Variants in SUGP2 observed in about 807,000 individuals in gnomAD.
SUGP2 encodes SURP and G-patch domain-containing protein 2.
SUGP2 carries 24 observed loss-of-function variants against 90.5 expected under a neutral mutation model. The ratio of observed to expected loss-of-function variants is 0.27; its 90% CI spans 0.19 to 0.37. The LOEUF is 0.37. SUGP2 is among the 10% of genes least tolerant of loss of function. The probability of loss-of-function intolerance (pLI) is 1.00; values close to 1 mark genes in which losing one functional copy is unlikely to be tolerated. For synonymous variants in SUGP2, 473 were observed against 513.4 expected, an observed-to-expected ratio of 0.92 and a Z score of 1.06; for missense variants, 1,233 against 1,363.3, an observed-to-expected ratio of 0.90 and a Z score of 1.51.
At chr19:19,012,028 T>G (rs2058330624) in intron 4 of SUGP2, among the ~76,000 whole-genome samples, 1 of 152,154 alleles carries the variant, frequency 6.6e-6, no homozygotes, top group African/African-American at 2.4e-5. Flanking sequence ...ACAAGCCAAC[T>G]AGAAGTAAGG....
At chr19:18,999,161 A>G (rs752796402) in intron 8 of SUGP2, among the ~76,000 whole-genome samples, 4 of 152,184 alleles carry the variant, frequency 2.6e-5, no homozygotes, top group Non-Finnish European at 5.9e-5. Flanking sequence ...ATCTGTGTTT[A>G]ACAATCATGA....
At position 19,005,270 on chromosome 19, in the gene SUGP2, C is replaced by T. The variant is rs559970932; in HGVS notation, c.2451-624G>A. ...TGGTATGAGAAACTTGAAACACTCC[C>T]GAAAGCACCAAAGTCCACTTGGACC... On this transcript the variant is annotated intron_variant, in intron 6 of 10. Transcript: ENST00000452918. Among the ~76,000 whole-genome samples the T allele has an allele frequency of 6.6e-5, 10 of 152,234 alleles. No homozygotes were observed. The East Asian group carries it at 1.5e-3, about 24-fold the overall frequency.
At chr19:19,001,262 G>A (rs1273877820) in intron 8 of SUGP2, among the ~76,000 whole-genome samples, 3 of 151,854 alleles carry the variant, frequency 2.0e-5, no homozygotes, top group Non-Finnish European at 2.9e-5. Flanking sequence ...TGATCCACCC[G>A]CCCTCTGCCT....
Position 19,025,325 on chromosome 19 carries a change from T to G in SUGP2, c.1023A>C (p.Ile341=). The stretch of plus-strand genomic sequence containing the variant: ...GTTGGGAAAATTTAATATCATCTTT[T>G]ATGGTGTGGAATCCTGCCCATTTGA... The part of the protein sequence containing the change: ...EIIKWAGFHT[I]KDDIKFSQLF... The change falls in exon 3 of 11, where the codon ATA becomes ATC. Residue 341 remains isoleucine (I), a synonymous_variant. Coordinates refer to ENST00000452918, the MANE Select transcript of SUGP2 (RefSeq NM_001017392.5). The G allele has an allele frequency of 6.2e-7, 1 of 1,613,848 alleles. No homozygotes were observed. Among genetic ancestry groups the G allele is most frequent in the South Asian group, 1.1e-5 (1 of 90,988 alleles).
At chr19:19,007,922 G>A (rs1346539862) in intron 6 of SUGP2, among the ~76,000 whole-genome samples, 1 of 152,006 alleles carries the variant, frequency 6.6e-6, no homozygotes, top group Non-Finnish European at 1.5e-5. Flanking sequence ...ACCATGCCCG[G>A]CTAATTTTTG....
At chr19:18,994,629 C>T (rs534579915) in intron 9 of SUGP2, 143 bp from the exon 10 acceptor site, 34 of 1,187,432 alleles carry the variant, frequency 2.9e-5, no homozygotes, top group African/African-American at 4.6e-5. Context: ...AATCAAGACG[C>T]GACTCACAGT....
chr19:18,995,833 T>C (rs984078628), intron 8 of SUGP2, among the ~76,000 whole-genome samples: 3 of 151,996 alleles, frequency 2.0e-5, no homozygotes. Flanking sequence ...GACATTGGGG[T>C]CTGTGTCTAG....
intron 8 of SUGP2, among the ~76,000 whole-genome samples, chr19:18,996,918 T>C (rs2057617985): frequency 6.6e-6 from 1 of 151,730 alleles, no homozygotes; most frequent in Non-Finnish European, 1.5e-5. Context: ...CATGTGCTCT[T>C]GAGAGGGAGG....
intron 6 of SUGP2, chr19:19,007,444 TC>T (rs1168328498): frequency 6.6e-6 from 1 of 152,026 alleles, no homozygotes; most frequent in East Asian, 1.9e-4. Flanking sequence ...TGAAGGCAGG[TC>T]CCCTAGAACA....
intron 1 of SUGP2, 63 bp downstream of exon 1, chr19:19,033,374 G>T: frequency 8.3e-7 from 1 of 1,211,486 alleles, no homozygotes; most frequent in Non-Finnish European, 1.0e-6. Context: ...GGGCCCCCAA[G>T]GCCGAGCCCG....
chr19:18,999,345 C>A (rs1223004616), intron 8 of SUGP2, among the ~76,000 whole-genome samples: 1 of 152,178 alleles, frequency 6.6e-6, no homozygotes, highest in Non-Finnish European at 1.5e-5. Flanking sequence ...CACCAGGAAC[C>A]GCGTTCAGTT....
At chr19:18,999,048 G>A (rs974924421) in intron 8 of SUGP2, 2 of 152,380 alleles carry the variant, frequency 1.3e-5, no homozygotes, top group African/African-American at 4.8e-5. Flanking sequence ...GGGGTCCCCA[G>A]AGGGCAGGTC....
At chr19:19,019,064 A>G (rs1198141063) in intron 4 of SUGP2, 45 bp downstream of exon 4, 7 of 1,590,288 alleles carry the variant, frequency 4.4e-6, no homozygotes, top group South Asian at 1.1e-5. Context: ...ATTTTGCCAT[A>G]TACTCCATGA....
intron 1 of SUGP2, 175 bp downstream of exon 1, chr19:19,033,262 G>A (rs1014817333): frequency 3.9e-5 from 25 of 640,210 alleles, no homozygotes; most frequent in South Asian, 2.9e-4. Flanking sequence ...GGGGCGCCGG[G>A]CCCGGGAGGC....
chr19:19,033,520 G>A, upstream of SUGP2: 4 of 1,402,392 alleles, frequency 2.9e-6, no homozygotes, highest in South Asian at 2.7e-5. Flanking sequence ...GCGGGGACAT[G>A]CAAATGAACC....
rs986418732 is a variant in SUGP2, at chr19:19,008,308, G to C, written c.2450+9C>G. ...AAAAAGGTGTGATGAGACCCGGGGG[G>C]GTACGTACCACAGGTCAGGGTTATC... On this transcript the variant is annotated intron_variant, in intron 6 of 10. Coordinates refer to ENST00000452918, the MANE Select transcript of SUGP2 (RefSeq NM_001017392.5). 2 of 1,602,596 alleles carry C rather than the reference G, an allele frequency of 1.2e-6. No individual in the cohort carries two copies. The highest frequency in any genetic ancestry group is 1.7e-6 in the Non-Finnish European group (2 of 1,169,676).
rs1239135374 is a variant in SUGP2 at position 18,993,754 on chromosome 19, G to A, written c.*1-14C>T. 1 of 152,140 alleles carries A rather than the reference G, an allele frequency of 6.6e-6. No individual in the cohort carries two copies. The highest frequency in any genetic ancestry group is 1.5e-5 in the Non-Finnish European group (1 of 67,990). 9.4% of individuals were successfully genotyped at this position (152,140 alleles called of 1,614,324 possible). A position where few individuals can be genotyped will look rare whatever the true frequency, so the allele number is the denominator to read the frequency against. On this transcript the variant is annotated splice_polypyrimidine_tract_variant and intron_variant, in intron 10 of 10. Coordinates refer to ENST00000452918, the MANE Select transcript of SUGP2 (RefSeq NM_001017392.5). ...AGTGGTTTTGATCTATTCAGGAAGA[G>A]AACGATTTTGTTCAAAACTGAGGTG...
At chr19:18,999,303 C>G (rs1220168043) in intron 8 of SUGP2, among the ~76,000 whole-genome samples, 1 of 151,972 alleles carries the variant, frequency 6.6e-6, no homozygotes, top group Non-Finnish European at 1.5e-5. Context: ...AGGTGCAGAG[C>G]CCCAAGGAGA....
chr19:19,024,967 T>A lies in SUGP2; in HGVS notation c.1381A>T (p.Asn461Tyr). ...AGGGCAAGAGCCAAGTCCAGGGGGT[T>A]ACTGAGGGTCTTCATCTTGACACTT... Reference protein sequence around the residue: ...ELSVKMKTLSNPLDLALALET... With the variant: ...ELSVKMKTLSYPLDLALALET... Residue 461 changes from asparagine (N) to tyrosine (Y), a missense_variant, in exon 3 of 11, where the codon AAC becomes TAC. Asn to Tyr is a moderately radical substitution (Grantham distance 143). Coordinates refer to ENST00000452918, the MANE Select transcript of SUGP2 (RefSeq NM_001017392.5). The A allele has an allele frequency of 6.2e-7, 1 of 1,614,176 alleles. No homozygotes were observed. Among genetic ancestry groups the A allele is most frequent in the East Asian group, 2.2e-5 (1 of 44,886 alleles).
Sources: allele counts gnomAD v4.1 joint callset (sites outside exome capture counted in the v4.1 genomes callset), GRCh38; gene constraint gnomAD v4.1.1; transcripts MANE v1.5; gene names NCBI Gene and HGNC (gene_info 2026-07-23, HGNC 2026-07-21).